The following MEGF11 variants were observed in gnomAD, a reference collection of about 807,000 sequenced individuals.
The protein encoded by MEGF11 is multiple epidermal growth factor-like domains protein 11.
MEGF11 carries 126 observed loss-of-function variants against 146.6 expected under a neutral mutation model. That is an observed-to-expected ratio of 0.86 (90% CI 0.74 to 1.00). The LOEUF is 1.00. Ranked by LOEUF, MEGF11 falls within the 50% of genes least tolerant of loss-of-function variation. MEGF11 has a pLI of 0.00. For synonymous variants in MEGF11, 532 were observed against 583.4 expected (o/e 0.91, Z 1.27); for missense variants, 1,509 against 1,521.2 (o/e 0.99, Z 0.13).
chr15:65,985,405 G>C (rs560121343), intron 5 of MEGF11, among the ~76,000 whole-genome samples: 118 of 152,148 alleles, frequency 7.8e-4, no homozygotes, highest in African/African-American at 2.8e-3. Flanking sequence ...CTTCTTCTCT[G>C]TTCGTCACTG....
rs190873052 is a variant in MEGF11 at position 66,089,755 on chromosome 15, T to G, written c.394+4647A>C. Among the ~76,000 whole-genome samples the G allele has an allele frequency of 6.1e-4, 93 of 152,358 alleles. 1 individual carries two copies. Among genetic ancestry groups the G allele is most frequent in the African/African-American group, 2.1e-3 (89 of 41,572 alleles). On this transcript the variant is annotated intron_variant, in intron 5 of 25. Transcript: ENST00000395614. ...GTGCGGAAATAAAAGTTATGAATAA[T>G]GTTTCTATCTCAATCATTGTCAGTG... is the stretch of plus-strand genomic sequence containing the variant.
intron 1 of MEGF11, among the ~76,000 whole-genome samples, chr15:66,182,776 A>T (rs2090586887): frequency 6.6e-6 from 1 of 152,190 alleles, no homozygotes; most frequent in Admixed American, 6.5e-5. Flanking sequence ...TTGCAAAATA[A>T]GCGATGGGAG....
chr15:66,210,529 C>T (rs1309579407), intron 1 of MEGF11, among the ~76,000 whole-genome samples: 2 of 152,172 alleles, frequency 1.3e-5, no homozygotes, highest in Non-Finnish European at 2.9e-5. Flanking sequence ...AACCACCTCC[C>T]AACCACCCCA....
intron 4 of MEGF11, among the ~76,000 whole-genome samples, chr15:66,114,707 C>T (rs1164548677): frequency 1.3e-5 from 2 of 151,736 alleles, no homozygotes; most frequent in Non-Finnish European, 2.9e-5. Flanking sequence ...ATATTTCATA[C>T]CTGGTGACCA....
intron 5 of MEGF11, among the ~76,000 whole-genome samples, chr15:66,063,003 G>A (rs933133027): frequency 1.3e-5 from 2 of 152,188 alleles, no homozygotes; most frequent in African/African-American, 4.8e-5. Flanking sequence ...TTTCAGATGT[G>A]AGTTTTAAAA....
At chr15:66,094,622 CTT>C in intron 4 of MEGF11, 128 bp from the exon 5 acceptor site, 1 of 718,262 alleles carries the variant, frequency 1.4e-6, no homozygotes, top group East Asian at 2.8e-5. Context: ...GCATGACTGG[CTT>C]GGGGGGGAAA....
intron 1 of MEGF11, among the ~76,000 whole-genome samples, chr15:66,234,676 G>A (rs1048880520): frequency 6.6e-6 from 1 of 152,190 alleles, no homozygotes; most frequent in Non-Finnish European, 1.5e-5. Context: ...GTCCTACAAT[G>A]GAGGGAAGAT....
intron 1 of MEGF11, among the ~76,000 whole-genome samples, chr15:66,218,133 C>A (rs1030308537): frequency 2.0e-5 from 3 of 152,036 alleles, no homozygotes; most frequent in African/African-American, 7.2e-5. Context: ...TTGTTACAGT[C>A]GACAATCACC....
At chr15:66,220,022 G>C (rs1388094133) in intron 1 of MEGF11, among the ~76,000 whole-genome samples, 3 of 152,130 alleles carry the variant, frequency 2.0e-5, no homozygotes, top group Non-Finnish European at 2.9e-5. Flanking sequence ...GGTCATACTG[G>C]ATTAGGGTGG....
chr15:66,065,917 G>C (rs573654771), intron 5 of MEGF11, among the ~76,000 whole-genome samples: 1 of 152,278 alleles, frequency 6.6e-6, no homozygotes, highest in South Asian at 2.1e-4. Flanking sequence ...GAGGGGCTGG[G>C]GCCTGGGGTG....
rs1385163274 is a variant in MEGF11, at chr15:65,898,913, C to T, written c.3077G>A (p.Cys1026Tyr). 6.2e-7 allele frequency: 1 copy of T among 1,613,858 alleles called. No individual in the cohort carries two copies. Among genetic ancestry groups the T allele is most frequent in the African/African-American group, 1.3e-5 (1 of 75,014 alleles). Residue 1026 changes from cysteine (C) to tyrosine (Y), a missense_variant, in exon 25 of 26, where the codon TGC becomes TAC. Cys to Tyr is a radical substitution (Grantham distance 194). Coordinates refer to ENST00000395614, the MANE Select transcript of MEGF11 (RefSeq NM_001385028.1). The part of the protein sequence containing the change: ...GFKDYMKESV[C>Y]SSSTCSLNSS... ...ATTCAAGGAACAAGTACTAGAACTG[C>T]ACACGGATTCTTTCATGTAATCTGC...
intron 5 of MEGF11, among the ~76,000 whole-genome samples, chr15:66,009,624 G>A (rs897729050): frequency 1.0e-4 from 15 of 146,932 alleles, no homozygotes; most frequent in Admixed American, 2.8e-4. Flanking sequence ...ACAGAGTCTC[G>A]CTCTGTTGCC....
intron 1 of MEGF11, among the ~76,000 whole-genome samples, chr15:66,204,546 G>T (rs916602361): frequency 6.6e-5 from 10 of 152,174 alleles, no homozygotes; most frequent in Non-Finnish European, 1.5e-4. Flanking sequence ...CTGGGTTCAA[G>T]GCCAGTACAG....
At chr15:66,031,564 G>T (rs1185523811) in intron 5 of MEGF11, among the ~76,000 whole-genome samples, 3 of 152,166 alleles carry the variant, frequency 2.0e-5, no homozygotes. Flanking sequence ...GAATTTACGT[G>T]GGGGGATGGA....
At chr15:66,051,558 C>T (rs543567834) in intron 5 of MEGF11, among the ~76,000 whole-genome samples, 2 of 152,378 alleles carry the variant, frequency 1.3e-5, no homozygotes, top group Admixed American at 1.3e-4. Context: ...AGGCTTCCCC[C>T]TGCCCATTCC....
At chr15:66,133,678 C>T (rs968964343) in intron 1 of MEGF11, among the ~76,000 whole-genome samples, 6 of 152,066 alleles carry the variant, frequency 3.9e-5, no homozygotes, top group Non-Finnish European at 5.9e-5. Context: ...GATCAGCCCT[C>T]GTAATTAAGA....
intron 1 of MEGF11, among the ~76,000 whole-genome samples, chr15:66,190,707 C>T (rs1394657152): frequency 1.3e-5 from 2 of 152,096 alleles, no homozygotes; most frequent in East Asian, 3.9e-4. Flanking sequence ...GACACACATG[C>T]CCTCCCTGGC....
intron 8 of MEGF11, chr15:65,967,054 G>A (rs575445734): frequency 2.0e-5 from 3 of 152,274 alleles, no homozygotes; most frequent in East Asian, 1.9e-4. Flanking sequence ...TCAACAGTGC[G>A]GATAATGGAG....
intron 4 of MEGF11, among the ~76,000 whole-genome samples, chr15:66,113,481 G>A (rs1597096235): frequency 2.0e-5 from 3 of 152,342 alleles, no homozygotes; most frequent in African/African-American, 7.2e-5. Flanking sequence ...GAATTGGGCA[G>A]ATAGACTCCC....
Sources: gnomAD v4.1 joint callset for allele counts (sites outside exome capture counted in the v4.1 genomes callset) on GRCh38, gnomAD v4.1.1 for gene constraint, MANE v1.5 for transcripts, NCBI Gene and HGNC (gene_info 2026-07-23, HGNC 2026-07-21) for gene names.